LDLRAD4: variants seen among roughly 807,000 people sequenced by gnomAD.
The protein encoded by LDLRAD4 is low density lipoprotein receptor class A domain containing 4, also known as low-density lipoprotein receptor class A domain-containing protein 4.
LDLRAD4 carries 5 observed loss-of-function variants against 17.0 expected under a neutral mutation model. The ratio of observed to expected loss-of-function variants is 0.29; its 90% confidence interval spans 0.15 to 0.62. The LOEUF is 0.62. LDLRAD4 is among the 20% of genes least tolerant of loss of function. The pLI, the probability that LDLRAD4 is intolerant of heterozygous loss-of-function variation, is 0.84. For synonymous variants in LDLRAD4, 168 were observed against 171.8 expected (o/e 0.98, Z 0.17); for missense variants, 340 against 424.7 (o/e 0.80, Z 1.75).
At chr18:13,649,143 A>T (rs1484361853) in exon 6 of LDLRAD4, 1 of 152,180 alleles carries the variant, frequency 6.6e-6, no homozygotes, top group East Asian at 1.9e-4. Context: ...TTTGGCTCAA[A>T]CTTATGAGGC....
intron 4 of LDLRAD4, chr18:13,642,223 C>A (rs2042637716): frequency 1.0e-6 from 1 of 986,056 alleles, no homozygotes; most frequent in Admixed American, 6.1e-5. Flanking sequence ...CCGCGCCGTC[C>A]CTCGCTGCTG....
chr18:13,645,150 G>A lies in LDLRAD4; in HGVS notation c.414G>A (p.Arg138=), dbSNP rs761284395. 1.4e-5 allele frequency: 23 copies of A among 1,612,866 alleles called. No homozygotes were observed. The highest frequency in any genetic ancestry group is 2.7e-5 in the African/African-American group (2 of 74,848). ...AGATCATGCATGCCCCGCGGTCCAGGGACAGGTTCACAGCGCCGTCCTTCA... is the reference window on the plus strand; with the variant it reads ...AGATCATGCATGCCCCGCGGTCCAGAGACAGGTTCACAGCGCCGTCCTTCA... The change falls in exon 6 of 6, where the codon AGG becomes AGA. Residue 138 remains arginine, a synonymous_variant. Coordinates refer to ENST00000359446, the Ensembl canonical transcript of LDLRAD4. The surrounding 1 kb of genome is among the most constrained non-coding windows in gnomAD (Gnocchi z 5.7).
intron 3 of LDLRAD4, among the ~76,000 whole-genome samples, chr18:13,496,345 G>C (rs1487088729): frequency 1.3e-5 from 2 of 152,146 alleles, no homozygotes; most frequent in Non-Finnish European, 2.9e-5. Context: ...GAAGTCAGGG[G>C]GTGGATTAGA....
At chr18:13,361,388 GGGATGTT>G (rs1476439767) in intron 1 of LDLRAD4, among the ~76,000 whole-genome samples, 2 of 152,154 alleles carry the variant, frequency 1.3e-5, no homozygotes, top group African/African-American at 4.8e-5. Flanking sequence ...TTTTTAGTAA[GGGATGTT>G]GGATTGGAAG....
chr18:13,406,022 G>A (rs1023586150), intron 2 of LDLRAD4, among the ~76,000 whole-genome samples: 3 of 152,194 alleles, frequency 2.0e-5, no homozygotes, highest in Admixed American at 6.5e-5. Context: ...TGAAAACAGC[G>A]ATATCACATT....
At chr18:13,650,393 G>C (rs2043193443) in exon 6 of LDLRAD4, 1 of 399,104 alleles carries the variant, frequency 2.5e-6, no homozygotes, top group East Asian at 3.6e-5. Context: ...GTGTAATGCG[G>C]GAGAGGGTTA....
In LDLRAD4 at chr18:13,463,745, C is replaced by T. The variant is rs1465463300; in HGVS notation, c.181+25361C>T. Among the ~76,000 whole-genome samples, 3 of 152,226 alleles carry T rather than the reference C, an allele frequency of 2.0e-5. No homozygotes were observed. In the East Asian group the frequency reaches 5.8e-4, roughly 29 times the overall value. On this transcript the variant is annotated intron_variant, in intron 3 of 5. Coordinates refer to ENST00000359446, the Ensembl canonical transcript of LDLRAD4. ...GAGGACCTGTGTGTCACCCACACTT[C>T]AGGCCAGCTTGACAGCCACCCCCGC...
At chr18:13,592,644 C>CAA (rs1442195950) in intron 3 of LDLRAD4, among the ~76,000 whole-genome samples, 2 of 152,198 alleles carry the variant, frequency 1.3e-5, no homozygotes, top group Non-Finnish European at 2.9e-5. Flanking sequence ...CTTTTAAGGA[C>CAA]AAACCTTTCA....
intron 1 of LDLRAD4, among the ~76,000 whole-genome samples, chr18:13,271,117 C>T (rs1378474299): frequency 3.3e-5 from 5 of 152,148 alleles, no homozygotes; most frequent in Non-Finnish European, 7.3e-5. Context: ...AACACATACA[C>T]CAGTGAGCAG....
intron 1 of LDLRAD4, among the ~76,000 whole-genome samples, chr18:13,262,053 C>A (rs1298246313): frequency 8.9e-6 from 1 of 112,582 alleles, no homozygotes; most frequent in Non-Finnish European, 1.9e-5. Context: ...GAAACTGAGT[C>A]CCGTGCGGCT....
rs1285538978 is a variant in LDLRAD4, at chr18:13,398,829, C to T, written c.40+11067C>T. ...ACCCTCCCCGGGGGCACTATAGCAA[C>T]CGTGTGTTGTTGCCTGGGACTCACT... On this transcript the variant is annotated intron_variant, in intron 2 of 5. Coordinates refer to ENST00000359446, the Ensembl canonical transcript of LDLRAD4. This position sits in a 1 kb window ranked among gnomAD's most constrained non-coding sequence, Gnocchi z 4.8. Among the ~76,000 whole-genome samples the T allele has an allele frequency of 1.3e-5, 2 of 152,180 alleles. No individual in the cohort carries two copies. Among genetic ancestry groups the T allele is most frequent in the Non-Finnish European group, 2.9e-5 (2 of 68,032 alleles).
intron 3 of LDLRAD4, among the ~76,000 whole-genome samples, chr18:13,580,075 A>G (rs539512533): frequency 1.3e-5 from 2 of 152,154 alleles, no homozygotes; most frequent in African/African-American, 2.4e-5. Flanking sequence ...GTGCTCATCA[A>G]TTTCTCATTT....
intron 3 of LDLRAD4, among the ~76,000 whole-genome samples, chr18:13,531,328 C>T (rs2094123260): frequency 6.6e-6 from 1 of 151,956 alleles, no homozygotes; most frequent in South Asian, 2.1e-4. Flanking sequence ...GCCGTGCGCA[C>T]TGTGTGATTA....
chr18:13,491,311 G>A (rs1468894112), intron 3 of LDLRAD4: 3 of 152,158 alleles, frequency 2.0e-5, no homozygotes, highest in African/African-American at 4.8e-5. Context: ...ACAGCTAGCC[G>A]GCTGCTCCTC....
At chr18:13,421,575 C>A (rs1360985788) in intron 2 of LDLRAD4, among the ~76,000 whole-genome samples, 1 of 152,152 alleles carries the variant, frequency 6.6e-6, no homozygotes, top group African/African-American at 2.4e-5. Flanking sequence ...CTGAGTCTCC[C>A]TAGGCATCTG....
At chr18:13,563,264 A>G (rs2094559979) in intron 3 of LDLRAD4, among the ~76,000 whole-genome samples, 1 of 152,210 alleles carries the variant, frequency 6.6e-6, no homozygotes, top group Non-Finnish European at 1.5e-5. Flanking sequence ...CCCAGAATCC[A>G]TAGAGCGTTT....
chr18:13,443,409 A>G (rs984774163), intron 3 of LDLRAD4, among the ~76,000 whole-genome samples: 2 of 152,192 alleles, frequency 1.3e-5, no homozygotes, highest in Non-Finnish European at 2.9e-5. Flanking sequence ...TAACCTGTGC[A>G]TAACCTGGGC....
intron 3 of LDLRAD4, among the ~76,000 whole-genome samples, chr18:13,523,482 A>G (rs7244532): frequency 0.72 from 110,252 of 152,152 alleles, 40,301 homozygotes; most frequent in East Asian, 0.93. Flanking sequence ...AGAGGACCCC[A>G]GGCCTGGGAT....
chr18:13,642,893 T>TTTTG lies in LDLRAD4; in HGVS notation c.337-446_337-443dup, dbSNP rs370401857. On this transcript the variant is annotated intron_variant, in intron 4 of 5. Transcript: ENST00000359446. Reference sequence around the variant, plus strand: ...GACGGGCTCTTTCTCGCTCCACGTTTTTTGTTTGTTTGTTTGTTTGTTTAT... The same window carrying TTTTG: ...GACGGGCTCTTTCTCGCTCCACGTTTTTTGTTTGTTTGTTTGTTTGTTTGTTTAT... The TTTTG allele has an allele frequency of 4.5e-3, 2,111 of 464,966 alleles. 10 individuals carry two copies. Among genetic ancestry groups the TTTTG allele is most frequent in the Middle Eastern group, 9.8e-3 (17 of 1,740 alleles). The allele number at this position is 464,966 out of a possible 1,614,324, so 28.8% of individuals were successfully genotyped here.
Sources: gnomAD v4.1 joint callset for allele counts (sites outside exome capture counted in the v4.1 genomes callset) on GRCh38, gnomAD v4.1.1 for gene constraint, Gnocchi (gnomAD v3.1) non-coding constraint, MANE v1.5 for transcripts, NCBI Gene and HGNC (gene_info 2026-07-23, HGNC 2026-07-21) for gene names.